Variants in BMPR1B observed in about 807,000 individuals in gnomAD.
BMPR1B encodes the protein bone morphogenetic protein receptor type 1B, also known as bone morphogenetic protein receptor type-1B.
Under a neutral mutation model 59.1 loss-of-function variants are expected in BMPR1B, and 12 were observed. That is an observed-to-expected ratio of 0.20 (90% CI 0.13 to 0.33). BMPR1B has a LOEUF of 0.33. Among genes scored for constraint, BMPR1B ranks in the 10% least tolerant of loss-of-function variants. The pLI is 1.00. For missense variants in BMPR1B, 550 were observed against 610.9 expected (o/e 0.90, Z 1.05); for synonymous variants, 237 against 207.3 (o/e 1.14, Z -1.23).
At chr4:94,913,329 C>T (rs990059811) in intron 2 of BMPR1B, among the ~76,000 whole-genome samples, 5 of 152,156 alleles carry the variant, frequency 3.3e-5, no homozygotes, top group African/African-American at 1.2e-4. Flanking sequence ...ACAGCAACAA[C>T]AGCAAAAACT....
At chr4:94,819,144 T>A (rs4383624) in intron 1 of BMPR1B, among the ~76,000 whole-genome samples, 61,972 of 147,636 alleles carry the variant, frequency 0.42, 13,085 homozygotes, top group African/African-American at 0.55. Flanking sequence ...TCAAATAAAA[T>A]TTTTTTTTTT....
intron 3 of BMPR1B, among the ~76,000 whole-genome samples, chr4:95,096,494 T>G (rs1730381907): frequency 6.6e-6 from 1 of 151,220 alleles, no homozygotes; most frequent in African/African-American, 2.4e-5. Flanking sequence ...TTTTGTATTA[T>G]TCCTTATAAG....
At position 94,801,638 on chromosome 4, in the gene BMPR1B, A is replaced by C. The variant is rs184198320; in HGVS notation, c.-183+43570A>C. ...ATTCCTATTTTGTAAATAATAATAA[A>C]ACCCCTGACACTTTGGACATTTAAT... On this transcript the variant is annotated intron_variant, in intron 1 of 12. Transcript: ENST00000515059. 2.2e-3 allele frequency among the ~76,000 whole-genome samples: 330 copies of C among 152,344 alleles called. 1 individual carries two copies. Among genetic ancestry groups the C allele is most frequent in the Non-Finnish European group, 3.9e-3 (263 of 68,032 alleles).
At chr4:95,121,336 A>G (rs148978093) in intron 6 of BMPR1B, among the ~76,000 whole-genome samples, 1 of 152,340 alleles carries the variant, frequency 6.6e-6, no homozygotes, top group East Asian at 1.9e-4. Flanking sequence ...TGTTCAGTTT[A>G]TGTGTTCATG....
At chr4:94,790,400 A>G (rs1256536754) in intron 1 of BMPR1B, among the ~76,000 whole-genome samples, 1 of 152,172 alleles carries the variant, frequency 6.6e-6, no homozygotes, top group Non-Finnish European at 1.5e-5. Flanking sequence ...AAAAATAAGT[A>G]CTGAGTTTGG....
intron 3 of BMPR1B, among the ~76,000 whole-genome samples, chr4:95,095,396 C>A (rs770187453): frequency 9.9e-5 from 15 of 152,008 alleles, no homozygotes; most frequent in Non-Finnish European, 2.1e-4. Flanking sequence ...GTTATCATAA[C>A]GGTACAAATA....
At position 94,840,855 on chromosome 4, in the gene BMPR1B, C is replaced by G. The variant is rs1725030783; in HGVS notation, c.-182-34976C>G. Among the ~76,000 whole-genome samples the G allele has an allele frequency of 2.0e-5, 3 of 148,168 alleles. 1 individual carries two copies. Among genetic ancestry groups the G allele is most frequent in the Non-Finnish European group, 4.5e-5 (3 of 66,416 alleles). The stretch of plus-strand genomic sequence containing the variant: ...AGAGGCGCTCTGCTTTTTGGAGTTT[C>G]CAGTTTTTCTGTTCTGTTTTTTCCC... On this transcript the variant is annotated intron_variant, in intron 1 of 12. Coordinates refer to ENST00000515059, the MANE Select transcript of BMPR1B (RefSeq NM_001203.3).
intron 1 of BMPR1B, among the ~76,000 whole-genome samples, chr4:94,799,363 G>A (rs1578657535): frequency 6.6e-6 from 1 of 151,358 alleles, no homozygotes; most frequent in Non-Finnish European, 1.5e-5. Context: ...CAGTGCAGTG[G>A]CGCAATCTCG....
chr4:95,059,947 G>A (rs1727230632), intron 3 of BMPR1B, among the ~76,000 whole-genome samples: 1 of 152,176 alleles, frequency 6.6e-6, no homozygotes, highest in African/African-American at 2.4e-5. Context: ...TGTCTGGTGG[G>A]ACTTCAGAGG....
At chr4:94,903,411 TTTAA>T (rs1175896304) in intron 2 of BMPR1B, among the ~76,000 whole-genome samples, 2 of 151,980 alleles carry the variant, frequency 1.3e-5, no homozygotes, top group Admixed American at 1.3e-4. Context: ...TGCTGCTCTA[TTTAA>T]TTCTTAATCA....
chr4:95,076,479 T>G (rs1728714023), intron 3 of BMPR1B, among the ~76,000 whole-genome samples: 1 of 152,146 alleles, frequency 6.6e-6, no homozygotes, highest in Non-Finnish European at 1.5e-5. Flanking sequence ...TTGAAGATTG[T>G]AGCTAATAGT....
At position 95,140,351 on chromosome 4, in the gene BMPR1B, T is replaced by C. The variant is rs1258819885; in HGVS notation, c.1077-8397T>C. 2.0e-5 allele frequency among the ~76,000 whole-genome samples: 3 copies of C among 152,162 alleles called. No individual in the cohort carries two copies. The East Asian group carries it at 5.8e-4, about 29-fold the overall frequency. On this transcript the variant is annotated intron_variant, in intron 10 of 12. Coordinates refer to ENST00000515059, the MANE Select transcript of BMPR1B (RefSeq NM_001203.3). Reference sequence around the variant, plus strand: ...TCCTAACACCAGAGATCCTACACATTCTGGACGAAATCCCCCTTTCTAATC... The same window carrying C: ...TCCTAACACCAGAGATCCTACACATCCTGGACGAAATCCCCCTTTCTAATC...
intron 1 of BMPR1B, among the ~76,000 whole-genome samples, chr4:94,833,194 A>G (rs995928223): frequency 1.8e-4 from 7 of 39,714 alleles, no homozygotes; most frequent in East Asian, 2.1e-3. Context: ...CTCTTTCTCA[A>G]AAAAAAAAAA....
At chr4:94,776,422 T>A (rs945759078) in intron 1 of BMPR1B, among the ~76,000 whole-genome samples, 1 of 152,220 alleles carries the variant, frequency 6.6e-6, no homozygotes. Context: ...GCTTTTTTCT[T>A]TATGAAGTGA....
At chr4:94,838,596 G>A (rs1447251709) in intron 1 of BMPR1B, among the ~76,000 whole-genome samples, 5 of 140,250 alleles carry the variant, frequency 3.6e-5, no homozygotes, top group Non-Finnish European at 3.1e-5. Flanking sequence ...CTGTTGGATC[G>A]GTGGTGATAT....
chr4:95,036,255 A>G (rs901232851), intron 3 of BMPR1B, among the ~76,000 whole-genome samples: 4 of 152,158 alleles, frequency 2.6e-5, no homozygotes, highest in Admixed American at 1.3e-4. Context: ...TTTAAAATGT[A>G]TAATTAAATT....
rs749090305 is a variant in BMPR1B, at chr4:95,039,538, G to A, written c.-18+43404G>A. ...GTTAGAAAGGCTTTAATGAGATTAC[G>A]AAGAGCTGCTATTTCTCATAAAAAA... On this transcript the variant is annotated intron_variant, in intron 3 of 12. Transcript: ENST00000515059. Among the ~76,000 whole-genome samples the A allele has an allele frequency of 5.9e-5, 9 of 151,584 alleles. No individual in the cohort carries two copies. In the South Asian group the frequency reaches 8.3e-4, roughly 14 times the overall value.
chr4:95,004,441 A>G (rs760669162), intron 3 of BMPR1B, among the ~76,000 whole-genome samples: 1 of 152,168 alleles, frequency 6.6e-6, no homozygotes, highest in Non-Finnish European at 1.5e-5. Context: ...TATTTGTAAT[A>G]TTATGCATCA....
At chr4:94,830,169 A>T (rs1560504389) in intron 1 of BMPR1B, among the ~76,000 whole-genome samples, 1 of 152,266 alleles carries the variant, frequency 6.6e-6, no homozygotes, top group South Asian at 2.1e-4. Context: ...TTTCTTAGAG[A>T]TAAATAATAA....
Sources: gnomAD v4.1 joint callset for allele counts (sites outside exome capture counted in the v4.1 genomes callset) on GRCh38, gnomAD v4.1.1 for gene constraint, MANE v1.5 for transcripts, NCBI Gene and HGNC (gene_info 2026-07-23, HGNC 2026-07-21) for gene names.